The following FREM1 variants were observed in gnomAD, a reference collection of about 807,000 sequenced individuals.
The protein encoded by FREM1 is FRAS1-related extracellular matrix protein 1.
In FREM1, 220 loss-of-function variants were observed where a neutral mutation model predicts 210.1. The ratio of observed to expected loss-of-function variants is 1.05; its 90% CI spans 0.94 to 1.17. The LOEUF (loss-of-function observed/expected upper bound fraction) is 1.17. FREM1 is among the 50% of genes most tolerant of loss of function. The pLI is 0.00. For missense variants in FREM1, 3,454 were observed against 2,675.5 expected, an observed-to-expected ratio of 1.29 and a Z score of -6.42; for synonymous variants, 1,189 against 980.2, an observed-to-expected ratio of 1.21 and a Z score of -3.98.
At chr9:14,828,879 T>C (rs142161634) in intron 10 of FREM1, among the ~76,000 whole-genome samples, 3 of 152,326 alleles carry the variant, frequency 2.0e-5, no homozygotes, top group South Asian at 2.1e-4. Flanking sequence ...GTAAACCACA[T>C]GGAATTTGAC....
intron 26 of FREM1, among the ~76,000 whole-genome samples, chr9:14,770,367 GA>G (rs201852094): frequency 1.6e-4 from 24 of 151,950 alleles, no homozygotes; most frequent in South Asian, 1.5e-3. Flanking sequence ...CAGCTGTTGA[GA>G]AAAAAAATAT....
At chr9:14,821,597 G>C (rs147172538) in intron 13 of FREM1, among the ~76,000 whole-genome samples, 82 of 152,316 alleles carry the variant, frequency 5.4e-4, no homozygotes, top group African/African-American at 1.9e-3. Context: ...AATATGATCT[G>C]GTCCCTGATA....
intron 1 of FREM1, among the ~76,000 whole-genome samples, chr9:14,896,137 T>A (rs79623129): frequency 6.6e-6 from 1 of 151,968 alleles, no homozygotes; most frequent in African/African-American, 2.4e-5. Context: ...AAAATCAAGA[T>A]GGGGATAAAA....
rs752593620 is a variant in FREM1 at position 14,846,042 on chromosome 9, A to T, written c.1311T>A (p.Phe437Leu). 5 of 1,606,400 alleles carry T rather than the reference A, an allele frequency of 3.1e-6. No individual in the cohort carries two copies. In the East Asian group the frequency reaches 1.1e-4, roughly 36 times the overall value. Residue 437 changes from phenylalanine to leucine, a missense_variant, in exon 8 of 37, where the codon TTT (phenylalanine) becomes TTA (leucine). Transcript: ENST00000380880. ...GQSRAITWEQ[F>L]QVVDNDDIGA... ...CAATGTCGTCATTGTCGACAACCTG[A>T]AACTGTTCCCAAGTGATGGCTCGAG...
chr9:14,794,518 C>T (rs377113481), intron 21 of FREM1, among the ~76,000 whole-genome samples: 26 of 152,124 alleles, frequency 1.7e-4, no homozygotes, highest in African/African-American at 6.0e-4. Flanking sequence ...AATTCCACCA[C>T]GATCAGGACC....
chr9:14,814,938 GT>G (rs947357082), intron 15 of FREM1, among the ~76,000 whole-genome samples: 5 of 152,236 alleles, frequency 3.3e-5, no homozygotes, highest in Non-Finnish European at 5.9e-5. Flanking sequence ...TAGGGTTGGG[GT>G]TTTTTCCCCA....
intron 1 of FREM1, among the ~76,000 whole-genome samples, chr9:14,879,040 T>C (rs913571456): frequency 1.3e-5 from 2 of 151,216 alleles, no homozygotes; most frequent in African/African-American, 4.9e-5. Context: ...GCCTGTAATC[T>C]GAGCTACTTA....
At chr9:14,819,502 G>C in intron 13 of FREM1, 60 bp from the exon 14 acceptor site, 1 of 993,438 alleles carries the variant, frequency 1.0e-6, no homozygotes, top group Non-Finnish European at 1.5e-6. Flanking sequence ...TGAAGACAGA[G>C]CTCATTACAT....
In FREM1 at chr9:14,748,372, A is replaced by C. The variant is rs200759114; in HGVS notation, c.5796+29T>G. 113 of 1,265,976 alleles carry C rather than the reference A, an allele frequency of 8.9e-5. No individual in the cohort carries two copies. The East Asian group carries it at 2.2e-3, about 24-fold the overall frequency. 78.4% of individuals were successfully genotyped at this position (1,265,976 alleles called of 1,614,324 possible). On this transcript the variant is annotated intron_variant, in intron 31 of 36. Transcript: ENST00000380880. ...GATCCTTTTAATATGTATTTTGCAC[A>C]TCATTTCCCAGAAGGTCCCCATCCT... is the stretch of plus-strand genomic sequence containing the variant.
intron 26 of FREM1, 43 bp from the exon 27 acceptor site, chr9:14,769,911 A>G: frequency 9.9e-7 from 1 of 1,005,526 alleles, no homozygotes; most frequent in Non-Finnish European, 1.5e-6. Flanking sequence ...ATCAAACAAA[A>G]CATTAAATAA....
chr9:14,842,032 A>G (rs1825779676), intron 9 of FREM1, among the ~76,000 whole-genome samples: 1 of 152,172 alleles, frequency 6.6e-6, no homozygotes. Flanking sequence ...AATTTGTTCT[A>G]TCACCTTGCT....
intron 36 of FREM1, 104 bp from the exon 37 acceptor site, chr9:14,737,699 C>T (rs1468036045): frequency 3.0e-5 from 28 of 923,180 alleles, no homozygotes; most frequent in Non-Finnish European, 3.7e-5. Context: ...CAAGTGTGGG[C>T]CCAGGTTCTA....
intron 1 of FREM1, among the ~76,000 whole-genome samples, chr9:14,904,391 A>G (rs1817323111): frequency 6.6e-6 from 1 of 152,228 alleles, no homozygotes; most frequent in Non-Finnish European, 1.5e-5. Context: ...TGAGGACACA[A>G]TCAAGATCCA....
At chr9:14,851,261 G>A (rs1156474329) in intron 6 of FREM1, 23 bp downstream of exon 6, 1 of 1,533,358 alleles carries the variant, frequency 6.5e-7, no homozygotes, top group African/African-American at 1.4e-5. Flanking sequence ...AACTAGGCTG[G>A]AAGCTTTGTC....
At chr9:14,865,212 A>G (rs544519658) in intron 2 of FREM1, among the ~76,000 whole-genome samples, 1 of 152,280 alleles carries the variant, frequency 6.6e-6, no homozygotes, top group African/African-American at 2.4e-5. Flanking sequence ...ATACTTTCTT[A>G]CCGCTATATT....
chr9:14,795,847 T>C (rs1365586269), intron 21 of FREM1, among the ~76,000 whole-genome samples: 3 of 152,190 alleles, frequency 2.0e-5, no homozygotes, highest in Non-Finnish European at 4.4e-5. Flanking sequence ...ACTTAATAAA[T>C]GCCAGTTTTT....
intron 20 of FREM1, among the ~76,000 whole-genome samples, chr9:14,799,284 T>TC (rs1278436798): frequency 1.4e-5 from 2 of 146,718 alleles, no homozygotes; most frequent in African/African-American, 5.1e-5. Context: ...AGACCCTGTC[T>TC]CCAAAAAAAA....
Position 14,836,793 on chromosome 9 carries a change from C to T in FREM1, c.1881+4654G>A, listed in dbSNP as rs768906850. On this transcript the variant is annotated intron_variant, in intron 10 of 36. Transcript: ENST00000380880. The surrounding 1 kb of genome is among the most constrained non-coding windows in gnomAD (Gnocchi z 4.9). Reference sequence around the variant, plus strand: ...GCCCTAACTGCTGTTCCCCATTCAACGCCCCTTTTAAGTAGGAAGTAGCCA... The same window carrying T: ...GCCCTAACTGCTGTTCCCCATTCAATGCCCCTTTTAAGTAGGAAGTAGCCA... Among the ~76,000 whole-genome samples the T allele has an allele frequency of 1.3e-5, 2 of 152,140 alleles. No homozygotes were observed. Among genetic ancestry groups the T allele is most frequent in the African/African-American group, 4.8e-5 (2 of 41,434 alleles).
intron 27 of FREM1, 112 bp downstream of exon 27, chr9:14,769,612 C>T (rs1328659266): frequency 9.1e-7 from 1 of 1,103,846 alleles, no homozygotes; most frequent in African/African-American, 1.6e-5. Flanking sequence ...GTGAAATGGT[C>T]TATTAATTTA....
Sources: allele counts gnomAD v4.1 joint callset (sites outside exome capture counted in the v4.1 genomes callset), GRCh38; gene constraint gnomAD v4.1.1; non-coding constraint Gnocchi (gnomAD v3.1); transcripts MANE v1.5; gene names NCBI Gene and HGNC (gene_info 2026-07-23, HGNC 2026-07-21).